Variants in AGO2 observed in about 807,000 individuals in gnomAD.
AGO2 encodes the protein protein argonaute-2.
AGO2 carries 5 observed loss-of-function variants against 102.3 expected under a neutral mutation model. The observed-to-expected ratio is 0.05, with a 90% CI of 0.03 to 0.10. The LOEUF is 0.10. Among genes scored for constraint, AGO2 ranks in the 10% least tolerant of loss-of-function variants. The probability of loss-of-function intolerance (pLI) is 1.00; values close to 1 mark genes in which losing one functional copy is unlikely to be tolerated. For missense variants in AGO2, 541 were observed against 1,183.7 expected (o/e 0.46, Z 7.97); for synonymous variants, 449 against 473.1 (o/e 0.95, Z 0.66).
chr8:140,583,558 C>T (rs1021940503), intron 2 of AGO2, among the ~76,000 whole-genome samples: 1 of 152,168 alleles, frequency 6.6e-6, no homozygotes, highest in Non-Finnish European at 1.5e-5. Flanking sequence ...AATTGTAACA[C>T]CATGGTAAGG....
intron 3 of AGO2, among the ~76,000 whole-genome samples, chr8:140,564,120 G>C (rs1269859795): frequency 6.6e-6 from 1 of 152,242 alleles, no homozygotes; most frequent in Non-Finnish European, 1.5e-5. Context: ...AATCCTTCCA[G>C]CCGGATAGAC....
chr8:140,604,225 G>C (rs946243503), intron 1 of AGO2, among the ~76,000 whole-genome samples: 1 of 152,170 alleles, frequency 6.6e-6, no homozygotes, highest in African/African-American at 2.4e-5. Context: ...AGCGTGCTGT[G>C]TACTGTCGGA....
upstream of AGO2, chr8:140,636,440 T>A (rs377134475): frequency 2.6e-5 from 4 of 152,240 alleles, no homozygotes; most frequent in East Asian, 1.9e-4. Flanking sequence ...AAAGCCAGCC[T>A]GTGGCTACCT....
intron 10 of AGO2, among the ~76,000 whole-genome samples, chr8:140,553,245 G>A (rs2073032515): frequency 6.6e-6 from 1 of 152,054 alleles, no homozygotes; most frequent in Non-Finnish European, 1.5e-5. Flanking sequence ...ACCTAGCTGG[G>A]TGTGGTGGTG....
Position 140,521,604 on chromosome 8 carries a change from A to G in AGO2, c.*10440T>C, listed in dbSNP as rs2072417169. The G allele has an allele frequency of 6.6e-6, 1 of 152,256 alleles. No individual in the cohort carries two copies. The highest frequency in any genetic ancestry group is 1.5e-5 in the Non-Finnish European group (1 of 68,034). 9.4% of individuals were successfully genotyped at this position (152,256 alleles called of 1,614,324 possible). ...AGAATTGTAAACTGCCAAATATAAA[A>G]GCATGGTAAGTCATCAACCTATCTC... On this transcript the variant is annotated 3_prime_UTR_variant, in exon 19 of 19. Coordinates refer to ENST00000220592, the MANE Select transcript of AGO2 (RefSeq NM_012154.5).
At chr8:140,558,455 C>T (rs748736823) in intron 7 of AGO2, 30 bp downstream of exon 7, 2 of 1,613,534 alleles carry the variant, frequency 1.2e-6, no homozygotes, top group Non-Finnish European at 1.7e-6. Flanking sequence ...GGGCCCCAGC[C>T]AAGAGAGTCT....
At chr8:140,545,804 C>T (rs954256127) in intron 13 of AGO2, among the ~76,000 whole-genome samples, 4 of 152,206 alleles carry the variant, frequency 2.6e-5, no homozygotes, top group South Asian at 2.1e-4. Context: ...CTGGCGTGGC[C>T]GAGGCCACCA....
At position 140,532,101 on chromosome 8, in the gene AGO2, T is replaced by C. The variant is rs2072607710; in HGVS notation, c.2523A>G (p.Ala841=). The stretch of plus-strand genomic sequence containing the variant: ...GGTGAACCTGGACCGCCTTGGCCAG[T>C]GCTTGGTGGTCTCGCCCGTTACTCT... ...SGQSNGRDHQ[A]LAKAVQVHQD... The change falls in exon 19 of 19, where the codon GCA becomes GCG. Residue 841 remains alanine, a synonymous_variant. Transcript: ENST00000220592. The C allele has an allele frequency of 1.2e-6, 2 of 1,614,184 alleles. No homozygotes were observed. The highest frequency in any genetic ancestry group is 1.7e-6 in the Non-Finnish European group (2 of 1,180,026).
At chr8:140,542,814 G>A (rs377554891) in intron 14 of AGO2, among the ~76,000 whole-genome samples, 9 of 152,318 alleles carry the variant, frequency 5.9e-5, no homozygotes, top group African/African-American at 1.9e-4. Context: ...ACAGCCATGC[G>A]GTGCTTCCCC....
rs184594960 is a variant in AGO2 at position 140,632,981 on chromosome 8, T to C, written c.22+2504A>G. ...AGGCTGGAGTGCAGTGGCGCAATCTTGGCTCACTGCAACCTCTGCCTCAAG... is the reference window on the plus strand; with the variant it reads ...AGGCTGGAGTGCAGTGGCGCAATCTCGGCTCACTGCAACCTCTGCCTCAAG... On this transcript the variant is annotated intron_variant, in intron 1 of 18. Transcript: ENST00000220592. Among the ~76,000 whole-genome samples the C allele has an allele frequency of 7.9e-5, 12 of 151,964 alleles. No homozygotes were observed. In the East Asian group the frequency reaches 1.9e-3, roughly 24 times the overall value.
rs1198462894 is a variant in AGO2, at chr8:140,522,742, A to AGG, written c.*9301_*9302insCC. 2.6e-5 allele frequency: 4 copies of AGG among 151,134 alleles called. No homozygotes were observed. The highest frequency in any genetic ancestry group is 5.9e-5 in the Non-Finnish European group (4 of 67,728). 9.4% of individuals were successfully genotyped at this position (151,134 alleles called of 1,614,324 possible). A position where few individuals can be genotyped will look rare whatever the true frequency, so the allele number is the denominator to read the frequency against. On this transcript the variant is annotated 3_prime_UTR_variant, in exon 19 of 19. Transcript: ENST00000220592. ...GGGAGAGGGGGAGAGAGAGAGAGAG[A>AGG]GAGAGAGGTGTATCACTGAATGCTT...
intron 13 of AGO2, among the ~76,000 whole-genome samples, chr8:140,546,072 C>T (rs2072894759): frequency 6.6e-6 from 1 of 152,190 alleles, no homozygotes; most frequent in African/African-American, 2.4e-5. Flanking sequence ...GCCCAAACTC[C>T]CTGCACACAG....
intron 13 of AGO2, among the ~76,000 whole-genome samples, chr8:140,544,649 C>T (rs971824078): frequency 2.6e-5 from 4 of 152,192 alleles, no homozygotes; most frequent in African/African-American, 9.6e-5. Flanking sequence ...CAGGGTTTCT[C>T]ACCGCCACCC....
chr8:140,629,074 G>A (rs2074309531), intron 1 of AGO2, among the ~76,000 whole-genome samples: 1 of 152,132 alleles, frequency 6.6e-6, no homozygotes, highest in Non-Finnish European at 1.5e-5. Flanking sequence ...CTGGGCAACA[G>A]AGAGAGACTC....
At chr8:140,598,149 G>A (rs946038063) in intron 1 of AGO2, among the ~76,000 whole-genome samples, 24 of 152,338 alleles carry the variant, frequency 1.6e-4, no homozygotes, top group African/African-American at 5.5e-4. Flanking sequence ...AGCCACTGCC[G>A]ACCTCGGGGT....
intron 3 of AGO2, among the ~76,000 whole-genome samples, chr8:140,565,797 T>C (rs1299576316): frequency 2.6e-5 from 4 of 152,124 alleles, no homozygotes; most frequent in Non-Finnish European, 5.9e-5. Context: ...AAGTCATACA[T>C]AGCTAGGTGC....
intron 1 of AGO2, among the ~76,000 whole-genome samples, chr8:140,595,482 T>C (rs2133038468): frequency 6.6e-6 from 1 of 150,698 alleles, no homozygotes; most frequent in East Asian, 1.9e-4. Flanking sequence ...TTTTATCTTA[T>C]GAGACAGAAT....
chr8:140,591,213 C>T (rs767957364), intron 1 of AGO2, among the ~76,000 whole-genome samples: 7 of 152,250 alleles, frequency 4.6e-5, no homozygotes, highest in Non-Finnish European at 1.0e-4. Flanking sequence ...TTTCTGTTCT[C>T]CCTGAGTAGA....
At chr8:140,566,889 G>C (rs1186976553) in intron 3 of AGO2, among the ~76,000 whole-genome samples, 1 of 152,224 alleles carries the variant, frequency 6.6e-6, no homozygotes, top group Non-Finnish European at 1.5e-5. Flanking sequence ...TCCAGAAACA[G>C]CACGTCCAGG....
Sources: allele counts gnomAD v4.1 joint callset (sites outside exome capture counted in the v4.1 genomes callset), GRCh38; gene constraint gnomAD v4.1.1; transcripts MANE v1.5; gene names NCBI Gene and HGNC (gene_info 2026-07-23, HGNC 2026-07-21).